RAG1: variants seen among roughly 807,000 people sequenced by gnomAD.
RAG1 encodes the protein recombination activating 1.
RAG1 carries 35 observed loss-of-function variants against 62.7 expected under a neutral mutation model. The observed-to-expected ratio is 0.56, with a 90% CI of 0.43 to 0.74. The LOEUF (loss-of-function observed/expected upper bound fraction) is 0.74, where lower values mean the gene tolerates loss of function less well. Among genes scored for constraint, RAG1 ranks in the 30% least tolerant of loss-of-function variants. RAG1 has a pLI of 0.00. For missense variants in RAG1, 1,169 were observed against 1,278.6 expected (o/e 0.91, Z 1.31); for synonymous variants, 461 against 470.3 (o/e 0.98, Z 0.26).
rs554632419 is a variant in RAG1, at chr11:36,577,853, A to C, written c.*1417A>C. 11 of 167,222 alleles carry C rather than the reference A, an allele frequency of 6.6e-5. No homozygotes were observed. Among genetic ancestry groups the C allele is most frequent in the African/African-American group, 2.6e-4 (11 of 41,576 alleles). The allele number at this position is 167,222 out of a possible 1,614,324, so 10.4% of individuals were successfully genotyped here. Reference sequence around the variant, plus strand: ...GATTCACAACTAATCACTATAGCACATGACCTTGGGATTACATTTTTATGG... The same window carrying C: ...GATTCACAACTAATCACTATAGCACCTGACCTTGGGATTACATTTTTATGG... On this transcript the variant is annotated 3_prime_UTR_variant, in exon 2 of 2. Transcript: ENST00000299440.
intron 3 of RAG1, among the ~76,000 whole-genome samples, chr11:36,545,013 G>A (rs139793160): frequency 4.6e-5 from 7 of 152,272 alleles, no homozygotes; most frequent in African/African-American, 1.7e-4. Flanking sequence ...TTATAGCAGC[G>A]TGAGAATGGA....
intron 3 of RAG1, among the ~76,000 whole-genome samples, chr11:36,541,060 G>T: frequency 6.6e-6 from 1 of 152,160 alleles, no homozygotes; most frequent in East Asian, 1.9e-4. Context: ...ATGATATGAT[G>T]GTCTGTTGTT....
rs955333892 is a variant in RAG1, at chr11:36,569,520, G to A, written c.-15+1398G>A. Among the ~76,000 whole-genome samples the A allele has an allele frequency of 3.9e-5, 6 of 152,294 alleles. No homozygotes were observed. In the East Asian group the frequency reaches 7.7e-4, roughly 20 times the overall value. On this transcript the variant is annotated intron_variant, in intron 1 of 1. Coordinates refer to ENST00000299440, the MANE Select transcript of RAG1 (RefSeq NM_000448.3). ...TAGCCTGCTTTCTCCATGTTCATCCGAAAAGAAAGAAAAGCTAAGGGTGGT... is the reference window on the plus strand; with the variant it reads ...TAGCCTGCTTTCTCCATGTTCATCCAAAAAGAAAGAAAAGCTAAGGGTGGT...
intron 3 of RAG1, among the ~76,000 whole-genome samples, chr11:36,561,720 G>T (rs1002985617): frequency 6.6e-6 from 1 of 152,126 alleles, no homozygotes; most frequent in Non-Finnish European, 1.5e-5. Context: ...CCTAGCCTTG[G>T]ACTAAGACTT....
intron 1 of RAG1, among the ~76,000 whole-genome samples, chr11:36,569,951 A>C (rs1292567703): frequency 1.3e-5 from 2 of 152,208 alleles, no homozygotes; most frequent in African/African-American, 4.8e-5. Context: ...TCACTGATGC[A>C]TACAGAAATT....
chr11:36,566,436 T>C (rs1850663381), upstream of RAG1: 1 of 152,254 alleles, frequency 6.6e-6, no homozygotes, highest in African/African-American at 2.4e-5. Flanking sequence ...TATTTTGCTC[T>C]TTCCTTCAAG....
Position 36,568,420 on chromosome 11 carries a change from G to A in RAG1, c.-15+298G>A, listed in dbSNP as rs900977346. On this transcript the variant is annotated intron_variant, in intron 1 of 1. Transcript: ENST00000299440. ...TGTGTACAAATCAGCAGAAGGTAAG[G>A]TGTGAGACTCTTGGAAATGAATACT... Among the ~76,000 whole-genome samples the A allele has an allele frequency of 3.3e-5, 5 of 152,296 alleles. No individual in the cohort carries two copies. In the East Asian group the frequency reaches 9.6e-4, roughly 29 times the overall value.
chr11:36,571,815 A>C (rs920430895), intron 1 of RAG1, among the ~76,000 whole-genome samples: 18 of 152,004 alleles, frequency 1.2e-4, no homozygotes, highest in African/African-American at 3.9e-4. Flanking sequence ...ATGGAGTATC[A>C]CCATGTTGGC....
intron 2 of RAG1, among the ~76,000 whole-genome samples, chr11:36,526,781 G>A (rs982488044): frequency 1.3e-5 from 2 of 152,160 alleles, no homozygotes; most frequent in Non-Finnish European, 2.9e-5. Context: ...AGTCTAACTG[G>A]TGTGAGATGG....
At chr11:36,521,792 T>C (rs1860084085) in intron 2 of RAG1, among the ~76,000 whole-genome samples, 1 of 152,182 alleles carries the variant, frequency 6.6e-6, no homozygotes, top group Non-Finnish European at 1.5e-5. Context: ...TAATCCAGGC[T>C]GAGGTGGTAT....
upstream of RAG1, among the ~76,000 whole-genome samples, chr11:36,567,700 C>CAGATGTGGAACTGAGGCACAG (rs1333227810): frequency 6.6e-6 from 1 of 152,184 alleles, no homozygotes; most frequent in Non-Finnish European, 1.5e-5. Context: ...TTCCTTTTTA[C>CAGATGTGGAACTGAGGCACAG]AGATGTGGAA....
chr11:36,575,972 C>A lies in RAG1; in HGVS notation c.2668C>A (p.Leu890Met). 1 of 1,614,188 alleles carries A rather than the reference C, an allele frequency of 6.2e-7. No individual in the cohort carries two copies. Among genetic ancestry groups the A allele is most frequent in the Non-Finnish European group, 8.5e-7 (1 of 1,180,012 alleles). Residue 890 changes from leucine (L) to methionine (M), a missense_variant, in exon 2 of 2, where the codon CTG becomes ATG. Around this residue, in one of 2 missense-constraint regions of RAG1, gnomAD observed 800 missense variants for 943.3 expected, o/e 0.85. Coordinates refer to ENST00000299440, the MANE Select transcript of RAG1 (RefSeq NM_000448.3). This position sits in a 1 kb window ranked among gnomAD's most constrained non-coding sequence, Gnocchi z 4.1. ...EALRELMDLY[L>M]KMKPVWRSSC... ...TCTGAGGGAGCTGATGGATCTTTAC[C>A]TGAAGATGAAACCAGTATGGCGATC...
At chr11:36,513,186 A>G (rs919057291) in intron 1 of RAG1, among the ~76,000 whole-genome samples, 1 of 152,168 alleles carries the variant, frequency 6.6e-6, no homozygotes, top group African/African-American at 2.4e-5. Context: ...GGCTCTTGCA[A>G]GATACCAGCC....
At chr11:36,564,790 C>T (rs189029926), upstream of RAG1, among the ~76,000 whole-genome samples, 6 of 152,298 alleles carry the variant, frequency 3.9e-5, no homozygotes, top group Non-Finnish European at 5.9e-5. Flanking sequence ...TGCAGGGTGG[C>T]GAGTTTGCAT....
intron 2 of RAG1, among the ~76,000 whole-genome samples, chr11:36,527,623 A>T (rs1433235140): frequency 6.6e-6 from 1 of 152,130 alleles, no homozygotes; most frequent in Non-Finnish European, 1.5e-5. Context: ...CTTTGAAGAA[A>T]GTCAGTGGTA....
intron 2 of RAG1, chr11:36,520,347 CA>C (rs1860059486): frequency 6.6e-6 from 1 of 152,248 alleles, no homozygotes; most frequent in Non-Finnish European, 1.5e-5. Flanking sequence ...TGGCTCACTG[CA>C]ACCTCCATCT....
At chr11:36,543,113 G>C (rs1001501927) in intron 3 of RAG1, among the ~76,000 whole-genome samples, 2 of 152,108 alleles carry the variant, frequency 1.3e-5, no homozygotes, top group African/African-American at 4.8e-5. Context: ...CTGACATTAT[G>C]GCTCAGGGAT....
In RAG1 at chr11:36,524,348, A is replaced by AG. The variant is rs1001948070; in HGVS notation, n.428+4119_428+4120insG. On this transcript the variant is annotated intron_variant and non_coding_transcript_variant, in intron 2 of 2. Transcript: ENST00000529126. The stretch of plus-strand genomic sequence containing the variant: ...TAGAACTTAAAGTATAATAAAAAAA[A>AG]AAAAGAAAAGAAAAGAAATGGCAAA... Among the ~76,000 whole-genome samples, 20 of 151,698 alleles carry AG rather than the reference A, an allele frequency of 1.3e-4. No individual in the cohort carries two copies. In the East Asian group the frequency reaches 2.1e-3, roughly 16 times the overall value.
intron 2 of RAG1, among the ~76,000 whole-genome samples, chr11:36,534,740 C>G (rs947277522): frequency 6.6e-6 from 1 of 152,042 alleles, no homozygotes; most frequent in African/African-American, 2.4e-5. Flanking sequence ...TTATTTTCTC[C>G]TTTCATTTTT....
Sources: gnomAD v4.1 joint callset for allele counts (sites outside exome capture counted in the v4.1 genomes callset) on GRCh38, gnomAD v4.1.1 for gene constraint, gnomAD v4.1.1 regional missense constraint, Gnocchi (gnomAD v3.1) non-coding constraint, MANE v1.5 for transcripts, NCBI Gene and HGNC (gene_info 2026-07-23, HGNC 2026-07-21) for gene names.